Variants in FABP6 observed in about 807,000 individuals in gnomAD.
FABP6 encodes the protein gastrotropin.
FABP6 carries 13 observed loss-of-function variants against 14.9 expected under a neutral mutation model. The observed-to-expected ratio is 0.87, with a 90% CI of 0.57 to 1.39. The LOEUF is 1.39. Ranked by LOEUF, FABP6 falls within the 40% of genes most tolerant of loss-of-function variation. The pLI is 0.00. For missense variants in FABP6, 161 were observed against 167.2 expected, an observed-to-expected ratio of 0.96 and a Z score of 0.20; for synonymous variants, 75 against 63.6, an observed-to-expected ratio of 1.18 and a Z score of -0.85.
intron 2 of FABP6, among the ~76,000 whole-genome samples, chr5:160,205,958 T>C (rs1411055366): frequency 6.6e-6 from 1 of 152,208 alleles, no homozygotes; most frequent in Non-Finnish European, 1.5e-5. Context: ...GTCTCTTTTC[T>C]TTTTTCTTTT....
intron 2 of FABP6, among the ~76,000 whole-genome samples, chr5:160,205,197 C>G (rs528329316): frequency 1.3e-5 from 2 of 151,016 alleles, no homozygotes; most frequent in Non-Finnish European, 2.9e-5. Context: ...GACAAGATAC[C>G]ATTAATGATT....
chr5:160,204,880 C>T (rs72643441), intron 2 of FABP6: 11,272 of 152,094 alleles, frequency 0.074, 648 homozygotes, highest in East Asian at 0.35. Flanking sequence ...GAAGCCTCAC[C>T]CTGCTAGCAG....
At chr5:160,193,236 C>T (rs58834601) in intron 1 of FABP6, among the ~76,000 whole-genome samples, 13,889 of 151,434 alleles carry the variant, frequency 0.092, 857 homozygotes, top group East Asian at 0.36. Flanking sequence ...TGCAGACTTT[C>T]GCGGTGAGTG....
At chr5:160,228,439 T>C (rs1760298540), upstream of FABP6, 1 of 456,082 alleles carries the variant, frequency 2.2e-6, no homozygotes, top group Non-Finnish European at 4.4e-6. Context: ...GCAGAGTGTT[T>C]TATACTTTGC....
intron 1 of FABP6, among the ~76,000 whole-genome samples, chr5:160,194,703 T>C (rs956050625): frequency 6.6e-6 from 1 of 152,138 alleles, no homozygotes; most frequent in Non-Finnish European, 1.5e-5. Context: ...GATTCCAGTG[T>C]CCACCTCCTT....
intron 3 of FABP6, among the ~76,000 whole-genome samples, chr5:160,237,256 A>G (rs1760537373): frequency 1.3e-5 from 2 of 152,118 alleles, no homozygotes; most frequent in East Asian, 3.9e-4. Flanking sequence ...TCCCAAGCTG[A>G]GCGAACCTGC....
intron 1 of FABP6, among the ~76,000 whole-genome samples, chr5:160,190,138 T>TA (rs1759365938): frequency 6.6e-6 from 1 of 152,200 alleles, no homozygotes; most frequent in African/African-American, 2.4e-5. Flanking sequence ...AACAAGACCT[T>TA]AAACAGAACG....
At chr5:160,194,820 A>G (rs1759478478) in intron 1 of FABP6, among the ~76,000 whole-genome samples, 1 of 151,886 alleles carries the variant, frequency 6.6e-6, no homozygotes, top group Non-Finnish European at 1.5e-5. Context: ...CCCTGCCTAT[A>G]CCTCCATATT....
At chr5:160,190,894 T>C (rs1233562860) in intron 1 of FABP6, among the ~76,000 whole-genome samples, 1 of 150,788 alleles carries the variant, frequency 6.6e-6, no homozygotes, top group Non-Finnish European at 1.5e-5. Context: ...GGGCGGATCA[T>C]GAAGTCAGGA....
intron 3 of FABP6, among the ~76,000 whole-genome samples, chr5:160,216,787 G>C (rs1760021411): frequency 6.6e-6 from 1 of 152,196 alleles, no homozygotes; most frequent in Non-Finnish European, 1.5e-5. Context: ...TCAGAAGTTT[G>C]TTGCATGGAT....
At chr5:160,204,499 G>C (rs564556789) in intron 2 of FABP6, among the ~76,000 whole-genome samples, 3 of 151,602 alleles carry the variant, frequency 2.0e-5, no homozygotes, top group South Asian at 4.2e-4. Context: ...CCTTTTTTAG[G>C]GGGGGTGGGG....
At chr5:160,217,713 T>C (rs560544710) in intron 3 of FABP6, among the ~76,000 whole-genome samples, 11 of 152,336 alleles carry the variant, frequency 7.2e-5, no homozygotes, top group Non-Finnish European at 1.2e-4. Flanking sequence ...CATGGCTCAC[T>C]GTAGCCTTCC....
intron 2 of FABP6, among the ~76,000 whole-genome samples, chr5:160,212,661 G>A (rs1357141088): frequency 6.6e-6 from 1 of 152,050 alleles, no homozygotes; most frequent in African/African-American, 2.4e-5. Context: ...AGTAGAGACA[G>A]GGTTTCACCG....
At chr5:160,199,212 G>T (rs1433691112) in intron 2 of FABP6, 2 of 1,584,274 alleles carry the variant, frequency 1.3e-6, no homozygotes, top group Admixed American at 1.7e-5. Flanking sequence ...GGATGACCCA[G>T]GTCACAGTGG....
chr5:160,219,395 A>G (rs991901473), intron 3 of FABP6, among the ~76,000 whole-genome samples: 1 of 152,172 alleles, frequency 6.6e-6, no homozygotes, highest in Non-Finnish European at 1.5e-5. Flanking sequence ...TAGTTGTTCT[A>G]TTGGTTCTAT....
At position 160,217,023 on chromosome 5, in the gene FABP6, A is replaced by G. The variant is rs1178931194; in HGVS notation, c.135+3204A>G. Among the ~76,000 whole-genome samples the G allele has an allele frequency of 2.6e-5, 4 of 152,212 alleles. No homozygotes were observed. The East Asian group carries it at 5.8e-4, about 22-fold the overall frequency. ...GTTATTTCTGAGCCTCTGTTTCCTC[A>G]TCTACATGATGGGGGTAATATCAGG... is the stretch of plus-strand genomic sequence containing the variant. On this transcript the variant is annotated intron_variant, in intron 3 of 6. Coordinates refer to the FABP6 transcript ENST00000393980.
intron 1 of FABP6, among the ~76,000 whole-genome samples, chr5:160,188,976 T>C (rs894463140): frequency 6.6e-6 from 1 of 152,178 alleles, no homozygotes; most frequent in Non-Finnish European, 1.5e-5. Context: ...CTTTTTCTTT[T>C]TTTGTTTTTC....
At position 160,238,617 on chromosome 5, in the gene FABP6, C is replaced by G; in HGVS notation, c.345C>G (p.Ile115Met). Residue 115 changes from isoleucine to methionine, a missense_variant, in exon 4 of 4, where the codon ATC becomes ATG. Coordinates refer to ENST00000402432, the MANE Select transcript of FABP6 (RefSeq NM_001445.3). ...VGDKLVEVST[I>M]GGVTYERVSK... ...GCTGCTTCTTTCAGGTCTCCACCAT[C>G]GGAGGCGTGACCTATGAGCGCGTGA... 1 of 1,613,980 alleles carries G rather than the reference C, an allele frequency of 6.2e-7. No individual in the cohort carries two copies. The highest frequency in any genetic ancestry group is 8.5e-7 in the Non-Finnish European group (1 of 1,179,874).
chr5:160,199,354 G>T (rs1759581168), intron 2 of FABP6, among the ~76,000 whole-genome samples: 1 of 152,328 alleles, frequency 6.6e-6, no homozygotes, highest in African/African-American at 2.4e-5. Context: ...TCTCATTGTT[G>T]TTGTTACTAA....
Sources: gnomAD v4.1 joint callset for allele counts (sites outside exome capture counted in the v4.1 genomes callset) on GRCh38, gnomAD v4.1.1 for gene constraint, MANE v1.5 for transcripts, NCBI Gene and HGNC (gene_info 2026-07-23, HGNC 2026-07-21) for gene names.